Variants in SYT10 observed in about 807,000 individuals in gnomAD.
SYT10 encodes synaptotagmin-10.
In SYT10, 31 loss-of-function variants were observed where a neutral mutation model predicts 51.1. The ratio of observed to expected loss-of-function variants is 0.61; its 90% CI spans 0.46 to 0.82. The LOEUF (loss-of-function observed/expected upper bound fraction) is 0.82, where lower values mean the gene tolerates loss of function less well. SYT10 is among the 40% of genes least tolerant of loss of function. The pLI is 0.00. For synonymous variants in SYT10, 233 were observed against 225.9 expected (o/e 1.03, Z -0.28); for missense variants, 603 against 634.0 (o/e 0.95, Z 0.53).
At position 33,407,100 on chromosome 12, in the gene SYT10, A is replaced by C. The variant is rs1866361515; in HGVS notation, c.766T>G (p.Leu256Val). 6.2e-7 allele frequency: 1 copy of C among 1,613,720 alleles called. No individual in the cohort carries two copies. The highest frequency in any genetic ancestry group is 1.3e-5 in the African/African-American group (1 of 74,956). Residue 256 changes from leucine (L) to valine (V), a missense_variant, in exon 3 of 7, where the codon TTA becomes GTA. By Grantham distance (32) the Leu-to-Val change is conservative. Transcript: ENST00000228567. Reference protein sequence around the residue: ...ELLVVKIIKALDLPAKDFTGT... With the variant: ...ELLVVKIIKAVDLPAKDFTGT... The stretch of plus-strand genomic sequence containing the variant: ...GTGAAGTCTTTAGCAGGGAGATCTA[A>C]AGCTTTGATAATTTTAACAACTAGA...
intron 2 of SYT10, among the ~76,000 whole-genome samples, chr12:33,410,868 T>TA (rs1457562723): frequency 6.6e-6 from 1 of 152,094 alleles, no homozygotes; most frequent in Admixed American, 6.5e-5. Flanking sequence ...ACTAAAACAT[T>TA]TTCACAATAA....
chr12:33,413,572 C>A (rs1274356050), intron 2 of SYT10, among the ~76,000 whole-genome samples: 3 of 152,140 alleles, frequency 2.0e-5, no homozygotes, highest in Admixed American at 2.0e-4. Flanking sequence ...AATTTCATAT[C>A]CAGCCAAACT....
intron 3 of SYT10, chr12:33,405,923 TTAAG>T (rs1866349164): frequency 6.6e-6 from 1 of 151,278 alleles, no homozygotes; most frequent in African/African-American, 2.4e-5. Flanking sequence ...TATCCCTAAC[TTAAG>T]TGTCTAACAG....
In SYT10 at chr12:33,439,496, C is replaced by T; in HGVS notation, c.27G>A (p.Val9=). Reference sequence around the variant, plus strand: ...GCAGAGCCTTCTGGCACAGACTGTTCACTCCGTCCTCCTTGTGGAAACTCA... The same window carrying T: ...GCAGAGCCTTCTGGCACAGACTGTTTACTCCGTCCTCCTTGTGGAAACTCA... MSFHKEDG[V]NSLCQKALHI... is the part of the protein sequence containing the mutation. The change falls in exon 1 of 7, where the codon GTG becomes GTA. Residue 9 remains valine (V), a synonymous_variant. Coordinates refer to ENST00000228567, the MANE Select transcript of SYT10 (RefSeq NM_198992.4). 6.2e-7 allele frequency: 1 copy of T among 1,613,804 alleles called. No homozygotes were observed. Among genetic ancestry groups the T allele is most frequent in the South Asian group, 1.1e-5 (1 of 91,010 alleles).
Position 33,426,403 on chromosome 12 carries a change from G to A in SYT10, c.244C>T (p.Pro82Ser). The A allele has an allele frequency of 1.2e-6, 2 of 1,614,000 alleles. No individual in the cohort carries two copies. Among genetic ancestry groups the A allele is most frequent in the Non-Finnish European group, 1.7e-6 (2 of 1,179,976 alleles). ...GTCACAGGTTTGCTTTTCCAGCATG[G>A]CCAACACAGCTTCCAGAAGACAAAA... Reference protein sequence around the residue: ...SLFVFWKLCWPCWKSKPVTSN... With the variant: ...SLFVFWKLCWSCWKSKPVTSN... Residue 82 changes from proline (P) to serine (S), a missense_variant, in exon 2 of 7, where the codon CCA becomes TCA. By Grantham distance (74) the Pro-to-Ser change is moderately conservative (BLOSUM62 -1). Transcript: ENST00000228567.
chr12:33,379,987 T>C (rs1555113690), intron 5 of SYT10, 26 bp from the exon 6 acceptor site: 2 of 1,574,260 alleles, frequency 1.3e-6, no homozygotes, highest in South Asian at 1.2e-5. Context: ...TATTATATTT[T>C]CATTTCCAAC....
intron 3 of SYT10, among the ~76,000 whole-genome samples, chr12:33,397,342 C>T (rs1018723441): frequency 2.0e-5 from 3 of 152,062 alleles, no homozygotes; most frequent in Non-Finnish European, 4.4e-5. Flanking sequence ...CTGTCATGAC[C>T]ACTAGGACTT....
At chr12:33,377,612 A>C (rs2138377970) in intron 6 of SYT10, among the ~76,000 whole-genome samples, 1 of 119,320 alleles carries the variant, frequency 8.4e-6, no homozygotes. Context: ...AAGGAACCTG[A>C]TTTTCTTTTT....
chr12:33,432,151 G>A (rs143975314), intron 1 of SYT10, among the ~76,000 whole-genome samples: 1 of 152,144 alleles, frequency 6.6e-6, no homozygotes, highest in African/African-American at 2.4e-5. Context: ...TTTAAAAGAA[G>A]TATTTCTATA....
At chr12:33,409,496 C>A (rs1385824596) in intron 2 of SYT10, among the ~76,000 whole-genome samples, 1 of 150,076 alleles carries the variant, frequency 6.7e-6, no homozygotes, top group Non-Finnish European at 1.5e-5. Context: ...GGATTACAGG[C>A]GTGAGAACAT....
intron 3 of SYT10, among the ~76,000 whole-genome samples, chr12:33,393,391 A>G (rs1866227190): frequency 1.3e-5 from 2 of 152,208 alleles, no homozygotes. Flanking sequence ...GGGGCATGAA[A>G]ACCTGTGTAA....
intron 3 of SYT10, among the ~76,000 whole-genome samples, chr12:33,400,763 C>T (rs542656620): frequency 6.6e-5 from 10 of 152,200 alleles, no homozygotes; most frequent in African/African-American, 1.4e-4. Flanking sequence ...TGGTGGCTCA[C>T]GCCTGTAATC....
chr12:33,382,923 A>G (rs574828220), intron 4 of SYT10, among the ~76,000 whole-genome samples: 3 of 152,326 alleles, frequency 2.0e-5, no homozygotes, highest in African/African-American at 4.8e-5. Context: ...TGCATGCACA[A>G]CAGTAAATGA....
In SYT10 at chr12:33,437,980, A is replaced by G. The variant is rs180728112; in HGVS notation, c.151+1392T>C. Among the ~76,000 whole-genome samples the G allele has an allele frequency of 2.5e-3, 375 of 152,190 alleles. 2 individuals carry two copies. In the Middle Eastern group the frequency reaches 0.031, roughly 12 times the overall value. On this transcript the variant is annotated intron_variant, in intron 1 of 6. Coordinates refer to ENST00000228567, the MANE Select transcript of SYT10 (RefSeq NM_198992.4). ...CCCTATCCAGGGTCCAAGCAGCGGC[A>G]TATCTTCAAGCTCTGCCAAGTGCAG...
At chr12:33,434,943 T>C (rs1222871422) in intron 1 of SYT10, among the ~76,000 whole-genome samples, 1 of 152,206 alleles carries the variant, frequency 6.6e-6, no homozygotes, top group Non-Finnish European at 1.5e-5. Context: ...GTGTACAACG[T>C]TAGTGGAATA....
At chr12:33,426,062 TCACACACACACACACACACACA>T in intron 2 of SYT10, 54 bp downstream of exon 2, 3 of 1,205,158 alleles carry the variant, frequency 2.5e-6, no homozygotes, top group South Asian at 3.5e-5. Flanking sequence ...TTATGAAATT[TCACACACACACACACACACACA>T]CACACACACA....
chr12:33,413,816 C>G (rs1369623823), intron 2 of SYT10, among the ~76,000 whole-genome samples: 2 of 152,134 alleles, frequency 1.3e-5, no homozygotes, highest in Non-Finnish European at 2.9e-5. Flanking sequence ...ATGACAGGAT[C>G]AAATTCACAC....
chr12:33,392,011 CG>C (rs987373681), intron 3 of SYT10, among the ~76,000 whole-genome samples: 1 of 152,112 alleles, frequency 6.6e-6, no homozygotes, highest in African/African-American at 2.4e-5. Context: ...TGCTTGCCCA[CG>C]TAAGATGACC....
rs1327720790 is a variant in SYT10 at position 33,376,444 on chromosome 12, A to C, written c.*386T>G. 1 of 179,560 alleles carries C rather than the reference A, an allele frequency of 5.6e-6. No individual in the cohort carries two copies. Among genetic ancestry groups the C allele is most frequent in the Admixed American group, 5.5e-5 (1 of 18,172 alleles). The allele number at this position is 179,560 out of a possible 1,614,324, so 11.1% of individuals were successfully genotyped here. A position where few individuals can be genotyped will look rare whatever the true frequency, so the allele number is the denominator to read the frequency against. On this transcript the variant is annotated 3_prime_UTR_variant, in exon 7 of 7. Transcript: ENST00000228567. Reference sequence around the variant, plus strand: ...CACAACTAGAAATGAACACAGTATAACAAAATCAAACCCATACATATATGA... The same window carrying C: ...CACAACTAGAAATGAACACAGTATACCAAAATCAAACCCATACATATATGA...
Sources: gnomAD v4.1 joint callset for allele counts (sites outside exome capture counted in the v4.1 genomes callset) on GRCh38, gnomAD v4.1.1 for gene constraint, MANE v1.5 for transcripts, NCBI Gene and HGNC (gene_info 2026-07-23, HGNC 2026-07-21) for gene names.